AMBRA1: variants seen among roughly 807,000 people sequenced by gnomAD.
AMBRA1 encodes the protein autophagy and beclin 1 regulator 1.
AMBRA1 carries 47 observed loss-of-function variants against 125.4 expected under a neutral mutation model. The ratio of observed to expected loss-of-function variants is 0.37; its 90% CI spans 0.30 to 0.48. The LOEUF (loss-of-function observed/expected upper bound fraction) is 0.48. Ranked by LOEUF, AMBRA1 falls within the 20% of genes least tolerant of loss-of-function variation. The probability of loss-of-function intolerance (pLI) is 0.99; values close to 1 mark genes in which losing one functional copy is unlikely to be tolerated. For missense variants in AMBRA1, 1,331 were observed against 1,693.4 expected, an observed-to-expected ratio of 0.79 and a Z score of 3.76; for synonymous variants, 626 against 655.5, an observed-to-expected ratio of 0.95 and a Z score of 0.69.
intron 14 of AMBRA1, among the ~76,000 whole-genome samples, chr11:46,433,060 T>C (rs1011863660): frequency 6.6e-6 from 1 of 152,178 alleles, no homozygotes; most frequent in Non-Finnish European, 1.5e-5. Context: ...TCCATCATAA[T>C]TATAACCCAC....
Position 46,552,514 on chromosome 11 carries a change from G to A in AMBRA1, c.-120-4014C>T, listed in dbSNP as rs547310994. ...ATCCTGGCCAACATGGTGAAACCCC[G>A]TCTCTACTAAAAATACAAAAGTTAG... is the stretch of plus-strand genomic sequence containing the variant. On this transcript the variant is annotated intron_variant, in intron 1 of 17. Transcript: ENST00000683756. Among the ~76,000 whole-genome samples, 10 of 148,418 alleles carry A rather than the reference G, an allele frequency of 6.7e-5. No individual in the cohort carries two copies. In the South Asian group the frequency reaches 1.3e-3, roughly 19 times the overall value.
At chr11:46,586,933 G>A (rs2044423613) in intron 1 of AMBRA1, among the ~76,000 whole-genome samples, 1 of 152,050 alleles carries the variant, frequency 6.6e-6, no homozygotes, top group Non-Finnish European at 1.5e-5. Flanking sequence ...AATTTTCTCT[G>A]CAAATCAAAT....
Position 46,568,273 on chromosome 11 carries a change from C to T in AMBRA1, c.-120-19773G>A, listed in dbSNP as rs575053969. Among the ~76,000 whole-genome samples, 20 of 152,206 alleles carry T rather than the reference C, an allele frequency of 1.3e-4. No individual in the cohort carries two copies. In the South Asian group the frequency reaches 2.1e-3, roughly 16 times the overall value. ...AAGAGTGCAAGACCAGCCTGGCCAA[C>T]GTGGTGAAACCCCGTCTCTACTAAA... On this transcript the variant is annotated intron_variant, in intron 1 of 17. Coordinates refer to ENST00000683756, the MANE Select transcript of AMBRA1 (RefSeq NM_001387011.1).
chr11:46,507,777 G>A (rs1253495015), intron 9 of AMBRA1, among the ~76,000 whole-genome samples: 1 of 152,194 alleles, frequency 6.6e-6, no homozygotes, highest in East Asian at 1.9e-4. Context: ...AAGTATTTCA[G>A]AACGAAGACA....
At chr11:46,450,449 T>C (rs919453654) in intron 11 of AMBRA1, among the ~76,000 whole-genome samples, 1 of 151,926 alleles carries the variant, frequency 6.6e-6, no homozygotes, top group Non-Finnish European at 1.5e-5. Flanking sequence ...TTTTTTTTTT[T>C]CTTTTCTTGA....
At chr11:46,469,652 C>T (rs1949489531) in intron 11 of AMBRA1, among the ~76,000 whole-genome samples, 1 of 151,834 alleles carries the variant, frequency 6.6e-6, no homozygotes, top group Non-Finnish European at 1.5e-5. Context: ...GACTTAGCAA[C>T]ATATATTTCT....
At chr11:46,494,489 C>G in intron 9 of AMBRA1, 2 of 315,070 alleles carry the variant, frequency 6.3e-6, no homozygotes, top group Non-Finnish European at 1.2e-5. Context: ...ACATTTAGAT[C>G]TTAGGATTTG....
In AMBRA1 at chr11:46,513,589, A is replaced by G. The variant is rs550631126; in HGVS notation, c.2073-776T>C. Among the ~76,000 whole-genome samples, 6 of 152,352 alleles carry G rather than the reference A, an allele frequency of 3.9e-5. No individual in the cohort carries two copies. In the South Asian group the frequency reaches 1.0e-3, roughly 26 times the overall value. On this transcript the variant is annotated intron_variant, in intron 7 of 17. Transcript: ENST00000683756. The stretch of plus-strand genomic sequence containing the variant: ...GTTAAAGTGTATCACTCTGTGGCAC[A>G]TAACTATTAAGAGATAGTAACAGGA...
At chr11:46,484,515 G>C (rs1020388577) in intron 11 of AMBRA1, among the ~76,000 whole-genome samples, 2 of 152,184 alleles carry the variant, frequency 1.3e-5, no homozygotes, top group African/African-American at 2.4e-5. Context: ...AGAACTTAAA[G>C]TACAAATAAA....
At chr11:46,564,537 C>T (rs2043455898) in intron 1 of AMBRA1, among the ~76,000 whole-genome samples, 1 of 151,844 alleles carries the variant, frequency 6.6e-6, no homozygotes, top group African/African-American at 2.4e-5. Context: ...AGTGCTCTAA[C>T]CATTATACAA....
intron 11 of AMBRA1, among the ~76,000 whole-genome samples, chr11:46,472,907 C>T (rs1038123525): frequency 1.3e-5 from 2 of 152,218 alleles, no homozygotes; most frequent in African/African-American, 2.4e-5. Context: ...GTACCAGTCC[C>T]TTACCTCTTG....
At chr11:46,475,546 G>A (rs1949781943) in intron 11 of AMBRA1, among the ~76,000 whole-genome samples, 1 of 152,158 alleles carries the variant, frequency 6.6e-6, no homozygotes, top group Admixed American at 6.5e-5. Context: ...ATGAGAGACA[G>A]AGGAATCCTA....
Position 46,554,291 on chromosome 11 carries a change from C to A in AMBRA1, c.-120-5791G>T, listed in dbSNP as rs1008890809. Among the ~76,000 whole-genome samples, 18 of 152,024 alleles carry A rather than the reference C, an allele frequency of 1.2e-4. 1 individual carries two copies. Among genetic ancestry groups the A allele is most frequent in the Admixed American group, 2.6e-4 (4 of 15,268 alleles). ...TCCTAAAAATAAAAAATAAAAAAAA[C>A]CGACCTTCCGACCTCCTGTTACTCA... On this transcript the variant is annotated intron_variant, in intron 1 of 17. Coordinates refer to ENST00000683756, the MANE Select transcript of AMBRA1 (RefSeq NM_001387011.1).
chr11:46,434,780 T>G, intron 13 of AMBRA1, 69 bp downstream of exon 13: 1 of 1,476,674 alleles, frequency 6.8e-7, no homozygotes, highest in Non-Finnish European at 9.1e-7. Context: ...AAGCTGTGCC[T>G]CACCTAGCAA....
In AMBRA1 at chr11:46,593,991, GC is replaced by G. The variant is rs1227386810; in HGVS notation, c.-285del. On this transcript the variant is annotated 5_prime_UTR_variant, in exon 1 of 18. An upstream open reading frame in the 5' UTR loses its in-frame stop. Transcript: ENST00000683756. Reference sequence around the variant, plus strand: ...CGGACAACTCAGCCCTCGACCCGGCGCCGCCGCCGCTCAGGAGACATCAAGC... The same window carrying G: ...CGGACAACTCAGCCCTCGACCCGGCGCGCCGCCGCTCAGGAGACATCAAGC... 2.5e-6 allele frequency: 1 copy of G among 398,688 alleles called. No individual in the cohort carries two copies. The highest frequency in any genetic ancestry group is 4.4e-6 in the Non-Finnish European group (1 of 226,096). The allele number at this position is 398,688 out of a possible 1,614,324, so 24.7% of individuals were successfully genotyped here.
chr11:46,547,227 A>C lies in AMBRA1; in HGVS notation c.264T>G (p.Val88=). Residue 88 remains valine, a synonymous_variant, in exon 4 of 18, where the codon GTT becomes GTG. Coordinates refer to ENST00000683756, the MANE Select transcript of AMBRA1 (RefSeq NM_001387011.1). ...YITEVKTGKC[V]HSLIGHRRTP... ...TACGGCGGTGTCCAATCAGGGAATG[A>C]ACACACTTGCCAGTCTTCACCTCCG... 1 of 1,614,044 alleles carries C rather than the reference A, an allele frequency of 6.2e-7. No homozygotes were observed. Among genetic ancestry groups the C allele is most frequent in the Non-Finnish European group, 8.5e-7 (1 of 1,179,976 alleles).
At chr11:46,434,115 CAAAAAAAAA>C (rs145761376) in intron 13 of AMBRA1, among the ~76,000 whole-genome samples, 2 of 53,556 alleles carry the variant, frequency 3.7e-5, no homozygotes, top group Non-Finnish European at 3.7e-5. Flanking sequence ...AACTCCGTCT[CAAAAAAAAA>C]AAAAAAAAAA....
intron 1 of AMBRA1, among the ~76,000 whole-genome samples, chr11:46,553,938 G>A (rs538534148): frequency 8.5e-5 from 13 of 152,136 alleles, no homozygotes; most frequent in Admixed American, 5.9e-4. Context: ...AATAGGCTAA[G>A]GATGAACTAA....
In AMBRA1 at chr11:46,508,353, T is replaced by C. The variant is rs1565232092; in HGVS notation, c.2177A>G (p.Tyr726Cys). ...PDPARLSPAA[Y>C]YAQRMIQYLS... Reference sequence around the variant, plus strand: ...ATACTGGATCATCCTCTGGGCGTAGTATGCAGCAGGAGATAATCTGAGAGA... The same window carrying C: ...ATACTGGATCATCCTCTGGGCGTAGCATGCAGCAGGAGATAATCTGAGAGA... The change falls in exon 9 of 18, where the codon TAC (tyrosine) becomes TGC (cysteine). Residue 726 changes from tyrosine to cysteine, a missense_variant. This residue lies in a region of AMBRA1 where 689 missense variants were observed against 776.5 expected (regional missense o/e 0.89). Transcript: ENST00000683756. 2.5e-6 allele frequency: 4 copies of C among 1,614,118 alleles called. No individual in the cohort carries two copies. Among genetic ancestry groups the C allele is most frequent in the Non-Finnish European group, 2.5e-6 (3 of 1,179,984 alleles).
Sources: allele counts gnomAD v4.1 joint callset (sites outside exome capture counted in the v4.1 genomes callset), GRCh38; gene constraint gnomAD v4.1.1; regional missense constraint gnomAD v4.1.1; transcripts MANE v1.5; gene names NCBI Gene and HGNC (gene_info 2026-07-23, HGNC 2026-07-21).